Variants in PPP5C observed in about 807,000 individuals in gnomAD.
PPP5C encodes the protein serine/threonine-protein phosphatase 5.
PPP5C carries 21 observed loss-of-function variants against 66.7 expected under a neutral mutation model. That is an observed-to-expected ratio of 0.31 (90% CI 0.22 to 0.45). The LOEUF is 0.45. Ranked by LOEUF, PPP5C falls within the 20% of genes least tolerant of loss-of-function variation. The pLI is 1.00. For synonymous variants in PPP5C, 246 were observed against 257.4 expected (o/e 0.96, Z 0.43); for missense variants, 464 against 675.9 (o/e 0.69, Z 3.48).
chr19:46,352,034 C>G (rs1972195453), intron 1 of PPP5C, among the ~76,000 whole-genome samples: 1 of 152,214 alleles, frequency 6.6e-6, no homozygotes, highest in Admixed American at 6.5e-5. Flanking sequence ...CAGTCCTCAT[C>G]TCTCTCTGCA....
Position 46,375,710 on chromosome 19 carries a change from A to C in PPP5C, c.470A>C (p.His157Pro). The change falls in exon 3 of 13, where the codon CAC becomes CCC. Residue 157 changes from histidine (H) to proline (P), a missense_variant. Coordinates refer to ENST00000012443, the MANE Select transcript of PPP5C (RefSeq NM_006247.4). Reference sequence around the variant, plus strand: ...GAGCGGGCCATCGCGGGCGACGAGCACAAGCGCTCCGTGGTGGACTCGCTG... The same window carrying C: ...GAGCGGGCCATCGCGGGCGACGAGCCCAAGCGCTCCGTGGTGGACTCGCTG... ...AFERAIAGDE[H>P]KRSVVDSLDI... 6.2e-7 allele frequency: 1 copy of C among 1,611,044 alleles called. No homozygotes were observed. The highest frequency in any genetic ancestry group is 8.5e-7 in the Non-Finnish European group (1 of 1,178,536).
chr19:46,385,944 T>C (rs1972876527), intron 7 of PPP5C, among the ~76,000 whole-genome samples: 1 of 101,448 alleles, frequency 9.9e-6, no homozygotes, highest in Non-Finnish European at 2.1e-5. Flanking sequence ...ACCCTGTCTC[T>C]TTGAAAAAAA....
At position 46,383,379 on chromosome 19, in the gene PPP5C, G is replaced by C; in HGVS notation, c.634-32G>C. On this transcript the variant is annotated intron_variant, in intron 4 of 12. Transcript: ENST00000012443. This position sits in a 1 kb window ranked among gnomAD's most constrained non-coding sequence, Gnocchi z 5.0. ...GCCAGGTTGGGCAGCAGCCCCTGCA[G>C]CCGGTCCCACTGAGTCTGCCCTGCC... 6.2e-7 allele frequency: 1 copy of C among 1,602,496 alleles called. No individual in the cohort carries two copies. Among genetic ancestry groups the C allele is most frequent in the Admixed American group, 1.7e-5 (1 of 58,684 alleles).
rs1398705698 is a variant in PPP5C at position 46,372,374 on chromosome 19, G to T, written c.364-3230G>T. Among the ~76,000 whole-genome samples the T allele has an allele frequency of 4.4e-4, 48 of 109,120 alleles. No individual in the cohort carries two copies. The East Asian group carries it at 5.9e-3, about 13-fold the overall frequency. 71.6% of individuals were successfully genotyped at this position (109,120 alleles called of 152,430 possible). A position where few individuals can be genotyped will look rare whatever the true frequency, so the allele number is the denominator to read the frequency against. On this transcript the variant is annotated intron_variant, in intron 2 of 12. Coordinates refer to ENST00000012443, the MANE Select transcript of PPP5C (RefSeq NM_006247.4). ...CACCACCATACCTGGCTAGCTTTTT[G>T]TTGTTGTTGTTATTTTTTTCTAGAG... is the stretch of plus-strand genomic sequence containing the variant.
At chr19:46,375,513 A>G in intron 2 of PPP5C, 91 bp from the exon 3 acceptor site, 2 of 1,536,704 alleles carry the variant, frequency 1.3e-6, no homozygotes, top group South Asian at 1.3e-5. Context: ...TCTGACTTCC[A>G]CTTTCATGGA....
In PPP5C at chr19:46,347,152, C is replaced by A; in HGVS notation, c.56C>A (p.Pro19His). Residue 19 changes from proline to histidine, a missense_variant, in exon 1 of 13, where the codon CCC becomes CAC. Around this residue, in one of 2 missense-constraint regions of PPP5C, gnomAD observed 77 missense variants for 49.9 expected, o/e 1.54. Coordinates refer to ENST00000012443, the MANE Select transcript of PPP5C (RefSeq NM_006247.4). ...TGTGCTGAGCCCCCCCGGGACGAAC[C>A]CCCGGCTGATGGAGCTCTGAAGCGG... ...TECAEPPRDE[P>H]PADGALKRAE... is the part of the protein sequence containing the mutation. 6.2e-7 allele frequency: 1 copy of A among 1,605,666 alleles called. No homozygotes were observed. Among genetic ancestry groups the A allele is most frequent in the Non-Finnish European group, 8.5e-7 (1 of 1,176,432 alleles).
chr19:46,385,052 G>A (rs1458713135), intron 7 of PPP5C, 143 bp downstream of exon 7: 1 of 647,292 alleles, frequency 1.5e-6, no homozygotes, highest in African/African-American at 1.8e-5. Context: ...TGAGTATGTA[G>A]TGCACTGCAC....
chr19:46,389,460 C>CACACAG (rs1568580025), intron 11 of PPP5C, among the ~76,000 whole-genome samples: 6 of 120,802 alleles, frequency 5.0e-5, no homozygotes, highest in East Asian at 2.6e-4. Context: ...CACACACACA[C>CACACAG]AGTGTTGATC....
intron 2 of PPP5C, among the ~76,000 whole-genome samples, chr19:46,361,848 A>G (rs1235990980): frequency 6.6e-6 from 1 of 152,164 alleles, no homozygotes; most frequent in Admixed American, 6.5e-5. Flanking sequence ...TATTTATGGT[A>G]AAGCTAATTT....
intron 11 of PPP5C, among the ~76,000 whole-genome samples, chr19:46,389,362 A>AACACACACACACAC (rs57181889): frequency 2.0e-5 from 2 of 98,052 alleles, no homozygotes; most frequent in South Asian, 3.8e-4. Context: ...TCCATCTCAA[A>AACACACACACACAC]ACACACACAC....
At chr19:46,360,473 A>AT (rs1457862616) in intron 2 of PPP5C, among the ~76,000 whole-genome samples, 9 of 150,914 alleles carry the variant, frequency 6.0e-5, no homozygotes, top group African/African-American at 4.9e-5. Flanking sequence ...TTGAAATTAG[A>AT]TTTTTCTTTG....
At chr19:46,381,149 G>T (rs1972784005) in intron 4 of PPP5C, among the ~76,000 whole-genome samples, 1 of 152,000 alleles carries the variant, frequency 6.6e-6, no homozygotes, top group Non-Finnish European at 1.5e-5. Flanking sequence ...CCCAACAAAT[G>T]AATTATTTAT....
Position 46,388,114 on chromosome 19 carries a change from G to A in PPP5C, c.1136-294G>A. 1 of 403,014 alleles carries A rather than the reference G, an allele frequency of 2.5e-6. No homozygotes were observed. 25.0% of individuals were successfully genotyped at this position (403,014 alleles called of 1,614,324 possible). On this transcript the variant is annotated intron_variant, in intron 9 of 12. Coordinates refer to ENST00000012443, the MANE Select transcript of PPP5C (RefSeq NM_006247.4). The surrounding 1 kb of genome is among the most constrained non-coding windows in gnomAD (Gnocchi z 4.9). Reference sequence around the variant, plus strand: ...CCTAGGGCAGTGCGGAGCCACCAAAGGCTTTGAGTGGGAGAGGGGCCTGAT... The same window carrying A: ...CCTAGGGCAGTGCGGAGCCACCAAAAGCTTTGAGTGGGAGAGGGGCCTGAT...
intron 11 of PPP5C, among the ~76,000 whole-genome samples, chr19:46,389,052 G>A (rs2147408002): frequency 6.6e-6 from 1 of 152,126 alleles, no homozygotes; most frequent in East Asian, 1.9e-4. Flanking sequence ...GGCTGGGCAT[G>A]GTGGCTCACG....
chr19:46,351,896 G>A (rs1401455976), intron 1 of PPP5C, among the ~76,000 whole-genome samples: 1 of 152,240 alleles, frequency 6.6e-6, no homozygotes, highest in African/African-American at 2.4e-5. Flanking sequence ...GGGAGTAAAG[G>A]AGGGCTTCCC....
At position 46,382,930 on chromosome 19, in the gene PPP5C, T is replaced by G. The variant is rs574569792; in HGVS notation, c.634-481T>G. The G allele has an allele frequency of 2.2e-5, 24 of 1,097,500 alleles. No homozygotes were observed. The South Asian group carries it at 5.1e-4, about 23-fold the overall frequency. The allele number at this position is 1,097,500 out of a possible 1,614,324, so 68.0% of individuals were successfully genotyped here. On this transcript the variant is annotated intron_variant, in intron 4 of 12. Transcript: ENST00000012443. ...TATTAGTATTTTAATTCTCCCCAGC[T>G]CTCCCCAAAACATCCTTTTTAGCTG... is the stretch of plus-strand genomic sequence containing the variant.
Position 46,380,599 on chromosome 19 carries a change from C to G in PPP5C, c.634-2812C>G, listed in dbSNP as rs78434156. Among the ~76,000 whole-genome samples the G allele has an allele frequency of 1.5e-3, 224 of 152,336 alleles. 1 individual carries two copies. The highest frequency in any genetic ancestry group is 4.5e-3 in the African/African-American group (186 of 41,580). On this transcript the variant is annotated intron_variant, in intron 4 of 12. Coordinates refer to ENST00000012443, the MANE Select transcript of PPP5C (RefSeq NM_006247.4). ...TTTTAGCATTTCTTACAGTGCACGTCTGCTGTAGACTAATTCTCTCAGCTT... is the reference window on the plus strand; with the variant it reads ...TTTTAGCATTTCTTACAGTGCACGTGTGCTGTAGACTAATTCTCTCAGCTT...
At chr19:46,371,674 G>C (rs1280788340) in intron 2 of PPP5C, among the ~76,000 whole-genome samples, 2 of 152,190 alleles carry the variant, frequency 1.3e-5, no homozygotes, top group African/African-American at 4.8e-5. Context: ...ATTATACAGA[G>C]AATGCTGGGT....
chr19:46,356,537 C>G (rs1601414815), intron 2 of PPP5C, among the ~76,000 whole-genome samples: 1 of 152,176 alleles, frequency 6.6e-6, no homozygotes, highest in East Asian at 1.9e-4. Flanking sequence ...TGCTGGGAGC[C>G]CTTTGTGCAC....
Sources: gnomAD v4.1 joint callset for allele counts (sites outside exome capture counted in the v4.1 genomes callset) on GRCh38, gnomAD v4.1.1 for gene constraint, gnomAD v4.1.1 regional missense constraint, Gnocchi (gnomAD v3.1) non-coding constraint, MANE v1.5 for transcripts, NCBI Gene and HGNC (gene_info 2026-07-23, HGNC 2026-07-21) for gene names.